MICAL2: variants seen among roughly 807,000 people sequenced by gnomAD.
MICAL2 encodes the protein microtubule associated monooxygenase, calponin and LIM domain containing 2.
MICAL2 carries 77 observed loss-of-function variants against 127.3 expected under a neutral mutation model. The observed-to-expected ratio is 0.60, with a 90% CI of 0.50 to 0.73. The LOEUF (loss-of-function observed/expected upper bound fraction) is 0.73, where lower values mean the gene tolerates loss of function less well. MICAL2 is among the 30% of genes least tolerant of loss of function. The probability of loss-of-function intolerance (pLI) is 0.00; values close to 1 mark genes in which losing one functional copy is unlikely to be tolerated. For synonymous variants in MICAL2, 570 were observed against 551.1 expected, an observed-to-expected ratio of 1.03 and a Z score of -0.48; for missense variants, 1,351 against 1,434.4, an observed-to-expected ratio of 0.94 and a Z score of 0.94.
At chr11:12,210,594 T>C (rs1233699983) in intron 6 of MICAL2, among the ~76,000 whole-genome samples, 1 of 152,202 alleles carries the variant, frequency 6.6e-6, no homozygotes, top group Non-Finnish European at 1.5e-5. Context: ...GTCATCAATA[T>C]CTGACAGGGA....
At chr11:12,181,118 A>G (rs1345844867) in intron 3 of MICAL2, among the ~76,000 whole-genome samples, 1 of 151,776 alleles carries the variant, frequency 6.6e-6, no homozygotes, top group Admixed American at 6.6e-5. Context: ...TAATTTTTCT[A>G]TTTTTAGTAG....
downstream of MICAL2, among the ~76,000 whole-genome samples, chr11:12,264,514 G>C (rs1211725772): frequency 6.6e-6 from 1 of 152,170 alleles, no homozygotes; most frequent in African/African-American, 2.4e-5. Flanking sequence ...CTGGTCCTCA[G>C]CCTCCCCTGG....
chr11:12,335,023 A>G (rs1464634540), intron 32 of MICAL2, among the ~76,000 whole-genome samples: 1 of 151,984 alleles, frequency 6.6e-6, no homozygotes, highest in Non-Finnish European at 1.5e-5. Context: ...CTGAGGAATC[A>G]CCACACTGTC....
chr11:12,224,531 T>C, intron 12 of MICAL2, 142 bp from the exon 13 acceptor site: 1 of 1,046,534 alleles, frequency 9.6e-7, no homozygotes, highest in Non-Finnish European at 1.4e-6. Context: ...GCTGCACCCG[T>C]GCCAGTGGCC....
chr11:12,113,900 T>C (rs1311673892), intron 1 of MICAL2, among the ~76,000 whole-genome samples: 1 of 152,184 alleles, frequency 6.6e-6, no homozygotes, highest in East Asian at 1.9e-4. Context: ...GAACATGTCT[T>C]CTCACCTCAC....
chr11:12,217,101 C>T (rs1039585341), intron 8 of MICAL2, among the ~76,000 whole-genome samples: 7 of 152,146 alleles, frequency 4.6e-5, no homozygotes, highest in Non-Finnish European at 1.0e-4. Flanking sequence ...TGACTGGAAG[C>T]TTCTTCGGAC....
downstream of MICAL2, among the ~76,000 whole-genome samples, chr11:12,266,278 G>A (rs1420420796): frequency 2.6e-5 from 4 of 152,120 alleles, no homozygotes; most frequent in Admixed American, 2.6e-4. Flanking sequence ...TCCAGAAAAG[G>A]GCTCTGACCT....
chr11:12,277,737 C>A (rs909585150), intron 1 of MICAL2, among the ~76,000 whole-genome samples: 1 of 152,192 alleles, frequency 6.6e-6, no homozygotes. Context: ...TCCAGTCATG[C>A]ATCGCTTAAT....
chr11:12,252,836 A>G (rs752419077), intron 22 of MICAL2: 1 of 152,156 alleles, frequency 6.6e-6, no homozygotes. Context: ...TCACCCACAC[A>G]CAAGTTACTG....
intron 1 of MICAL2, among the ~76,000 whole-genome samples, chr11:12,111,829 C>T (rs191570794): frequency 2.6e-5 from 4 of 152,346 alleles, no homozygotes; most frequent in Admixed American, 2.6e-4. Flanking sequence ...CTGACACCTG[C>T]ACTTACTCTG....
intron 8 of MICAL2, 179 bp downstream of exon 8, chr11:12,216,498 C>T: frequency 1.7e-6 from 1 of 593,120 alleles, no homozygotes; most frequent in East Asian, 2.8e-5. Context: ...GGAGCCCACG[C>T]CAATATGCAC....
intron 1 of MICAL2, among the ~76,000 whole-genome samples, chr11:12,114,750 T>C (rs1189081818): frequency 6.6e-6 from 1 of 152,188 alleles, no homozygotes; most frequent in Non-Finnish European, 1.5e-5. Flanking sequence ...AAAAATGACT[T>C]GCTTACGTGT....
chr11:12,183,714 C>T (rs1011748698), intron 3 of MICAL2, among the ~76,000 whole-genome samples: 1 of 152,214 alleles, frequency 6.6e-6, no homozygotes, highest in Non-Finnish European at 1.5e-5. Flanking sequence ...TGGTGTGGCA[C>T]AGGGCCTGAG....
intron 2 of MICAL2, among the ~76,000 whole-genome samples, chr11:12,160,675 C>T (rs1327606700): frequency 2.0e-5 from 3 of 152,154 alleles, no homozygotes; most frequent in Non-Finnish European, 2.9e-5. Flanking sequence ...TCTTGTGGCC[C>T]CTCTGGACTC....
intron 3 of MICAL2, among the ~76,000 whole-genome samples, chr11:12,168,034 G>A (rs914009019): frequency 1.3e-5 from 2 of 152,042 alleles, no homozygotes; most frequent in Non-Finnish European, 2.9e-5. Flanking sequence ...AGGTGGGATG[G>A]TTCACGCCTG....
chr11:12,156,532 C>T (rs1220512367), intron 2 of MICAL2, among the ~76,000 whole-genome samples: 1 of 152,176 alleles, frequency 6.6e-6, no homozygotes, highest in Non-Finnish European at 1.5e-5. Context: ...AGGCTGGGGA[C>T]ACCTGGATGG....
chr11:12,162,347 C>T lies in MICAL2; in HGVS notation c.192C>T (p.Ala64=), dbSNP rs781719073. ...AGGTGACCACCTGGAAAGCCAAAGC[C>T]CTGTGGTACAAATTGGATAAGCGTG... is the stretch of plus-strand genomic sequence containing the variant. The part of the protein sequence containing the change: ...KSKVTTWKAK[A]LWYKLDKRGS... Residue 64 remains alanine (A), a synonymous_variant, in exon 3 of 28, where the codon GCC becomes GCT. Coordinates refer to ENST00000683283, the MANE Select transcript of MICAL2 (RefSeq NM_001282663.2). 12 of 1,614,110 alleles carry T rather than the reference C, an allele frequency of 7.4e-6. No homozygotes were observed. The highest frequency in any genetic ancestry group is 9.3e-6 in the Non-Finnish European group (11 of 1,180,056).
At chr11:12,137,874 G>A (rs149819698) in intron 1 of MICAL2, among the ~76,000 whole-genome samples, 6 of 152,252 alleles carry the variant, frequency 3.9e-5, no homozygotes, top group East Asian at 3.9e-4. Flanking sequence ...AATGTGGGTC[G>A]TCACTGGAAG....
intron 2 of MICAL2, among the ~76,000 whole-genome samples, chr11:12,141,767 G>T (rs895350698): frequency 3.3e-5 from 5 of 152,148 alleles, no homozygotes; most frequent in Non-Finnish European, 7.3e-5. Context: ...GCCCCAAGTT[G>T]GCCAACCCTT....
Sources: gnomAD v4.1 joint callset for allele counts (sites outside exome capture counted in the v4.1 genomes callset) on GRCh38, gnomAD v4.1.1 for gene constraint, MANE v1.5 for transcripts, NCBI Gene and HGNC (gene_info 2026-07-23, HGNC 2026-07-21) for gene names.